TAFA2: variants seen among roughly 807,000 people sequenced by gnomAD.
TAFA2 encodes chemokine-like protein TAFA-2.
TAFA2 carries 7 observed loss-of-function variants against 18.8 expected under a neutral mutation model. The ratio of observed to expected loss-of-function variants is 0.37; its 90% CI spans 0.21 to 0.70. The LOEUF is 0.70. Among genes scored for constraint, TAFA2 ranks in the 30% least tolerant of loss-of-function variants. TAFA2 has a pLI of 0.53. For synonymous variants in TAFA2, 60 were observed against 54.2 expected, an observed-to-expected ratio of 1.11 and a Z score of -0.47; for missense variants, 122 against 158.1, an observed-to-expected ratio of 0.77 and a Z score of 1.23.
chr12:61,981,941 T>C (rs1879649604), intron 1 of TAFA2, among the ~76,000 whole-genome samples: 1 of 152,164 alleles, frequency 6.6e-6, no homozygotes. Context: ...CATTACTGGG[T>C]ATATACCCAA....
chr12:61,847,575 C>G (rs1873459613), intron 2 of TAFA2, among the ~76,000 whole-genome samples: 1 of 152,076 alleles, frequency 6.6e-6, no homozygotes, highest in Non-Finnish European at 1.5e-5. Flanking sequence ...ATTTGCATGT[C>G]AACATGATTA....
intron 1 of TAFA2, among the ~76,000 whole-genome samples, chr12:62,036,155 C>G (rs1047201678): frequency 1.3e-5 from 2 of 152,110 alleles, no homozygotes; most frequent in Non-Finnish European, 2.9e-5. Flanking sequence ...TTGTGAGAAC[C>G]AAACATGACT....
At chr12:61,996,119 T>C (rs142590491) in intron 1 of TAFA2, among the ~76,000 whole-genome samples, 16 of 152,194 alleles carry the variant, frequency 1.1e-4, no homozygotes, top group African/African-American at 3.6e-4. Flanking sequence ...TAAATGACTA[T>C]AGGATAATGC....
At position 62,191,969 on chromosome 12, in the gene TAFA2, C is replaced by G. The variant is rs956587048; in HGVS notation, c.-712G>C. ...CGAGTTCCCTGGCTCTCGCAGGTAC[C>G]GGGTCTCCAACGTGGCGGAGTTGCT... On this transcript the variant is annotated 5_prime_UTR_variant, in exon 1 of 5. Coordinates refer to ENST00000416284, the MANE Select transcript of TAFA2 (RefSeq NM_178539.5). 6.6e-6 allele frequency: 1 copy of G among 152,370 alleles called. No individual in the cohort carries two copies. Among genetic ancestry groups the G allele is most frequent in the Non-Finnish European group, 1.5e-5 (1 of 68,222 alleles). 9.4% of individuals were successfully genotyped at this position (152,370 alleles called of 1,614,324 possible). A position where few individuals can be genotyped will look rare whatever the true frequency, so the allele number is the denominator to read the frequency against.
chr12:61,974,826 T>C (rs943863651), intron 1 of TAFA2, among the ~76,000 whole-genome samples: 3 of 151,790 alleles, frequency 2.0e-5, no homozygotes, highest in African/African-American at 7.2e-5. Flanking sequence ...TTAACTTTTG[T>C]AAATTGACTG....
At chr12:62,052,428 G>A (rs576361409) in intron 1 of TAFA2, among the ~76,000 whole-genome samples, 105 of 152,242 alleles carry the variant, frequency 6.9e-4, no homozygotes, top group African/African-American at 2.5e-3. Flanking sequence ...CTGGCCTCAG[G>A]TGATCTGCCC....
chr12:62,217,962 GTATGTATTTATT>G (rs1385185260), intron 1 of TAFA2, among the ~76,000 whole-genome samples: 1,717 of 131,708 alleles, frequency 0.013, 19 homozygotes, highest in African/African-American at 0.034. Context: ...CTATTTTTAT[GTATGTATTTATT>G]TATTTATTTA....
intron 1 of TAFA2, among the ~76,000 whole-genome samples, chr12:62,081,997 T>C (rs892301774): frequency 6.8e-6 from 1 of 147,750 alleles, no homozygotes; most frequent in Non-Finnish European, 1.5e-5. Flanking sequence ...CATGTGTCCA[T>C]GTGTTCTCAT....
At chr12:62,099,260 T>C (rs1341878965) in intron 1 of TAFA2, among the ~76,000 whole-genome samples, 1 of 151,576 alleles carries the variant, frequency 6.6e-6, no homozygotes, top group Non-Finnish European at 1.5e-5. Flanking sequence ...AGCACGTAAA[T>C]GAAAAAAAAA....
At position 62,021,681 on chromosome 12, in the gene TAFA2, T is replaced by A. The variant is rs186064921; in HGVS notation, c.-1-154255A>T. 9.8e-5 allele frequency: 141 copies of A among 1,442,802 alleles called. No individual in the cohort carries two copies. In the African/African-American group the frequency reaches 1.9e-3, roughly 19 times the overall value. The allele number at this position is 1,442,802 out of a possible 1,614,324, so 89.4% of individuals were successfully genotyped here. A position where few individuals can be genotyped will look rare whatever the true frequency, so the allele number is the denominator to read the frequency against. On this transcript the variant is annotated intron_variant, in intron 1 of 4. Transcript: ENST00000416284. ...TTTGGGTTCCACGATGCTCACGTGG[T>A]CAGGCAGGGGCTTCTTAGGGCCAGT...
At chr12:62,172,846 A>G (rs2062487532) in intron 1 of TAFA2, among the ~76,000 whole-genome samples, 2 of 152,238 alleles carry the variant, frequency 1.3e-5, no homozygotes, top group Admixed American at 1.3e-4. Context: ...GACTGAAGCA[A>G]TGCTTTGCCT....
At chr12:62,017,955 A>G (rs1880994899) in intron 1 of TAFA2, among the ~76,000 whole-genome samples, 1 of 152,178 alleles carries the variant, frequency 6.6e-6, no homozygotes, top group Non-Finnish European at 1.5e-5. Flanking sequence ...TTCATCTCCC[A>G]TGGCAATGTG....
chr12:62,229,914 A>G (rs1202203357), intron 1 of TAFA2, among the ~76,000 whole-genome samples: 8 of 151,966 alleles, frequency 5.3e-5, no homozygotes, highest in Admixed American at 5.2e-4. Context: ...ATTATTCATT[A>G]CTGGTGAGTT....
At chr12:62,248,957 G>A (rs145908090) in intron 1 of TAFA2, among the ~76,000 whole-genome samples, 25 of 152,238 alleles carry the variant, frequency 1.6e-4, no homozygotes, top group African/African-American at 4.3e-4. Flanking sequence ...ATGGCTCAGA[G>A]CAGTCTGAAG....
At chr12:61,867,277 T>A in intron 2 of TAFA2, 43 bp downstream of exon 2, 1 of 1,225,274 alleles carries the variant, frequency 8.2e-7, no homozygotes, top group Non-Finnish European at 1.2e-6. Context: ...TTAAGGGTAG[T>A]CATCATCCAC....
rs540768312 is a variant in TAFA2, at chr12:62,132,267, A to G, written c.-2+58992T>C. 7.3e-5 allele frequency among the ~76,000 whole-genome samples: 11 copies of G among 149,800 alleles called. No homozygotes were observed. The South Asian group carries it at 8.5e-4, about 12-fold the overall frequency. ...AACATGAAAATATTAAACTCTAATC[A>G]CTTCTATATTAAGAAAGGCCCACAG... On this transcript the variant is annotated intron_variant, in intron 1 of 4. Coordinates refer to ENST00000416284, the MANE Select transcript of TAFA2 (RefSeq NM_178539.5).
intron 1 of TAFA2, among the ~76,000 whole-genome samples, chr12:62,103,093 C>T (rs948035821): frequency 1.3e-5 from 2 of 152,196 alleles, no homozygotes; most frequent in African/African-American, 4.8e-5. Context: ...TCAGAGTTCA[C>T]ACTCAGAAAA....
chr12:62,145,822 G>C (rs1159724009), intron 1 of TAFA2, among the ~76,000 whole-genome samples: 1 of 152,226 alleles, frequency 6.6e-6, no homozygotes, highest in African/African-American at 2.4e-5. Flanking sequence ...ATGGAATTTA[G>C]TTGTGACTTA....
chr12:62,038,629 G>T (rs969679544), intron 1 of TAFA2, among the ~76,000 whole-genome samples: 1 of 151,972 alleles, frequency 6.6e-6, no homozygotes, highest in East Asian at 1.9e-4. Flanking sequence ...GTGCCCCACA[G>T]ATACCAAGAG....
Sources: allele counts gnomAD v4.1 joint callset (sites outside exome capture counted in the v4.1 genomes callset), GRCh38; gene constraint gnomAD v4.1.1; transcripts MANE v1.5; gene names NCBI Gene and HGNC (gene_info 2026-07-23, HGNC 2026-07-21).